The following DIP2A variants were observed in gnomAD, a reference collection of about 807,000 sequenced individuals.
DIP2A encodes the protein disco-interacting protein 2 homolog A.
A neutral mutation model predicts 177.4 loss-of-function variants in DIP2A; 85 were observed. The ratio of observed to expected loss-of-function variants is 0.48; its 90% CI spans 0.40 to 0.57. The LOEUF (loss-of-function observed/expected upper bound fraction) is 0.57, where lower values mean the gene tolerates loss of function less well. Among genes scored for constraint, DIP2A ranks in the 20% least tolerant of loss-of-function variants. The pLI is 0.00. For missense variants in DIP2A, 1,791 were observed against 2,100.2 expected, an observed-to-expected ratio of 0.85 and a Z score of 2.88; for synonymous variants, 886 against 881.8, an observed-to-expected ratio of 1.00 and a Z score of -0.08.
chr21:46,514,617 C>CTTTTTTTTTTTTTTTTTTTT lies in DIP2A; in HGVS notation c.1102+3007_1102+3026dup. 2.1e-3 allele frequency among the ~76,000 whole-genome samples: 149 copies of CTTTTTTTTTTTTTTTTTTTT among 70,502 alleles called. 6 individuals carry two copies. Among genetic ancestry groups the CTTTTTTTTTTTTTTTTTTTT allele is most frequent in the Non-Finnish European group, 2.1e-3 (85 of 40,760 alleles). 46.3% of individuals were successfully genotyped at this position (70,502 alleles called of 152,430 possible). On this transcript the variant is annotated intron_variant, in intron 8 of 37. Coordinates refer to ENST00000417564, the MANE Select transcript of DIP2A (RefSeq NM_015151.4). ...CCTTTCCAATACTTAAACTTTTATTCTTTTTTTTTTTTTTTTTTTTTTTGG... is the reference window on the plus strand; with the variant it reads ...CCTTTCCAATACTTAAACTTTTATTCTTTTTTTTTTTTTTTTTTTTTTTTTTTTTTTTTTTTTTTTTTTGG...
chr21:46,567,821 AT>A lies in DIP2A; in HGVS notation c.*202del. 1.7e-6 allele frequency: 1 copy of A among 583,294 alleles called. No individual in the cohort carries two copies. The highest frequency in any genetic ancestry group is 2.7e-6 in the Non-Finnish European group (1 of 371,320). 36.1% of individuals were successfully genotyped at this position (583,294 alleles called of 1,614,324 possible). A position where few individuals can be genotyped will look rare whatever the true frequency, so the allele number is the denominator to read the frequency against. On this transcript the variant is annotated 3_prime_UTR_variant, in exon 38 of 38. Transcript: ENST00000417564. ...GAAATATTTTGAATCTGCCAAGTAC[AT>A]TTACAAAAACACGGATGCTGGTATT...
At chr21:46,491,876 CAGGT>C (rs1555881675) in intron 3 of DIP2A, among the ~76,000 whole-genome samples, 1 of 152,200 alleles carries the variant, frequency 6.6e-6, no homozygotes, top group Non-Finnish European at 1.5e-5. Flanking sequence ...CTTTTGAATA[CAGGT>C]CTTTTATCAT....
chr21:46,459,676 A>G (rs1473869329), intron 1 of DIP2A, among the ~76,000 whole-genome samples: 2 of 145,476 alleles, frequency 1.4e-5, no homozygotes, highest in Non-Finnish European at 3.0e-5. Context: ...CCCTCAAACC[A>G]GGGACCACTG....
intron 32 of DIP2A, among the ~76,000 whole-genome samples, chr21:46,559,773 G>A (rs1265479989): frequency 6.6e-6 from 1 of 152,206 alleles, no homozygotes; most frequent in Non-Finnish European, 1.5e-5. Flanking sequence ...CTGCTTCTGT[G>A]TGTGTTTCCT....
In DIP2A at chr21:46,563,168, G is replaced by A. The variant is rs1222841285; in HGVS notation, c.4090-690G>A. On this transcript the variant is annotated intron_variant, in intron 34 of 37. Coordinates refer to ENST00000417564, the MANE Select transcript of DIP2A (RefSeq NM_015151.4). The surrounding 1 kb of genome is among the most constrained non-coding windows in gnomAD (Gnocchi z 4.3). ...CAGAACAGTCCCACTCCGCCGGGGA[G>A]GGTCTGGCGGTAACCGTAGCTCACA... Among the ~76,000 whole-genome samples the A allele has an allele frequency of 6.6e-6, 1 of 152,156 alleles. No individual in the cohort carries two copies. Among genetic ancestry groups the A allele is most frequent in the East Asian group, 1.9e-4 (1 of 5,186 alleles).
At chr21:46,464,793 C>A (rs2054644704) in intron 1 of DIP2A, among the ~76,000 whole-genome samples, 1 of 103,692 alleles carries the variant, frequency 9.6e-6, no homozygotes, top group South Asian at 3.4e-4. Context: ...CACTGAGTTT[C>A]TTCCTTTTTC....
chr21:46,582,913 G>A, the DIP2A span, among the ~76,000 whole-genome samples: 31,265 of 151,924 alleles, frequency 0.21, 3,447 homozygotes, highest in East Asian at 0.34. Context: ...GAATTAAACA[G>A]TTTATTAAAA....
At chr21:46,515,489 T>A (rs530842723) in intron 8 of DIP2A, among the ~76,000 whole-genome samples, 4 of 152,168 alleles carry the variant, frequency 2.6e-5, no homozygotes, top group Non-Finnish European at 5.9e-5. Context: ...GGCTTGCAGT[T>A]TAAGTCTGCA....
intron 12 of DIP2A, 75 bp downstream of exon 12, chr21:46,534,188 A>T: frequency 8.3e-7 from 1 of 1,206,196 alleles, no homozygotes; most frequent in Non-Finnish European, 1.2e-6. Flanking sequence ...ATAAGAATGT[A>T]AGTTGCTATT....
intron 1 of DIP2A, among the ~76,000 whole-genome samples, chr21:46,478,186 G>A (rs548075426): frequency 6.6e-6 from 1 of 151,256 alleles, no homozygotes; most frequent in African/African-American, 2.4e-5. Flanking sequence ...GAATCAGCTT[G>A]TCAATTTCTA....
chr21:46,478,249 G>A (rs1786052992), intron 1 of DIP2A, among the ~76,000 whole-genome samples: 4 of 149,264 alleles, frequency 2.7e-5, no homozygotes, highest in South Asian at 4.2e-4. Context: ...TTTCGCTCTT[G>A]TTGCCCAGGC....
chr21:46,547,708 C>T (rs977457235), intron 21 of DIP2A, among the ~76,000 whole-genome samples: 5 of 144,496 alleles, frequency 3.5e-5, no homozygotes, highest in Non-Finnish European at 7.5e-5. Flanking sequence ...CTCTGTTGCC[C>T]ATCCAGGCTG....
intron 13 of DIP2A, among the ~76,000 whole-genome samples, chr21:46,535,146 G>C (rs2059511044): frequency 6.6e-6 from 1 of 152,176 alleles, no homozygotes; most frequent in African/African-American, 2.4e-5. Context: ...GACCTCAGCT[G>C]TCATGGATAT....
Position 46,545,315 on chromosome 21 carries a change from A to C in DIP2A, c.2313+42A>C. On this transcript the variant is annotated intron_variant, in intron 19 of 37. Transcript: ENST00000417564. ...GACTTTCATGTTGAAGTTAAGTTGCATGAGCACTCATGGGGTCCCAGGTGT... is the reference window on the plus strand; with the variant it reads ...GACTTTCATGTTGAAGTTAAGTTGCCTGAGCACTCATGGGGTCCCAGGTGT... 2 of 1,570,128 alleles carry C rather than the reference A, an allele frequency of 1.3e-6. 1 individual carries two copies.
chr21:46,517,611 C>T (rs1037427987), intron 8 of DIP2A, among the ~76,000 whole-genome samples: 6 of 152,206 alleles, frequency 3.9e-5, no homozygotes, highest in Admixed American at 3.3e-4. Flanking sequence ...CCAGCCGTGG[C>T]GTTGGTCTCC....
chr21:46,498,862 G>A lies in DIP2A; in HGVS notation c.655+29G>A, dbSNP rs2057502924. On this transcript the variant is annotated intron_variant, in intron 5 of 37. Coordinates refer to ENST00000417564, the MANE Select transcript of DIP2A (RefSeq NM_015151.4). This position sits in a 1 kb window ranked among gnomAD's most constrained non-coding sequence, Gnocchi z 4.3. ...AGTAATAAGCTGCTGCGGCCCCTGT[G>A]CCAGCAGAGCGGGGTCAGGAGTGTC... The A allele has an allele frequency of 1.3e-6, 2 of 1,586,024 alleles. No homozygotes were observed. Among genetic ancestry groups the A allele is most frequent in the Admixed American group, 1.7e-5 (1 of 57,580 alleles).
intron 10 of DIP2A, among the ~76,000 whole-genome samples, 199 bp from the exon 11 acceptor site, chr21:46,533,325 T>A (rs1397753531): frequency 6.6e-6 from 1 of 152,244 alleles, no homozygotes; most frequent in Admixed American, 6.5e-5. Flanking sequence ...ATCTTTTAAA[T>A]TTAAACATAG....
In DIP2A at chr21:46,545,863, C is replaced by T. The variant is rs748620687; in HGVS notation, c.2314-18C>T. The T allele has an allele frequency of 1.2e-6, 2 of 1,612,442 alleles. No homozygotes were observed. Among genetic ancestry groups the T allele is most frequent in the Non-Finnish European group, 1.7e-6 (2 of 1,178,956 alleles). ...TGGTTGTCCACAGCCTGATCGTGCC[C>T]CTCTCCACTTTGTGCAGGCAGTTCC... On this transcript the variant is annotated intron_variant, in intron 19 of 37. Transcript: ENST00000417564.
At chr21:46,493,493 A>T (rs1291312990) in intron 3 of DIP2A, among the ~76,000 whole-genome samples, 2 of 152,092 alleles carry the variant, frequency 1.3e-5, no homozygotes, top group Non-Finnish European at 2.9e-5. Context: ...TGTATGTCTG[A>T]TAATATTTTT....
Sources: gnomAD v4.1 joint callset for allele counts (sites outside exome capture counted in the v4.1 genomes callset) on GRCh38, gnomAD v4.1.1 for gene constraint, Gnocchi (gnomAD v3.1) non-coding constraint, MANE v1.5 for transcripts, NCBI Gene and HGNC (gene_info 2026-07-23, HGNC 2026-07-21) for gene names.